The following KCNT2 variants were observed in gnomAD, a reference collection of about 807,000 sequenced individuals.
KCNT2 encodes potassium channel subfamily T member 2.
In KCNT2, 67 loss-of-function variants were observed where a neutral mutation model predicts 153.8. The ratio of observed to expected loss-of-function variants is 0.44; its 90% confidence interval spans 0.36 to 0.53. The LOEUF is 0.53. Among genes scored for constraint, KCNT2 ranks in the 20% least tolerant of loss-of-function variants. The pLI, the probability that KCNT2 is intolerant of heterozygous loss-of-function variation, is 0.00. For synonymous variants in KCNT2, 500 were observed against 458.8 expected, an observed-to-expected ratio of 1.09 and a Z score of -1.15; for missense variants, 975 against 1,354.8, an observed-to-expected ratio of 0.72 and a Z score of 4.40.
At chr1:196,285,915 G>T (rs756203475) in intron 22 of KCNT2, among the ~76,000 whole-genome samples, 157 bp from the exon 23 acceptor site, 1 of 152,016 alleles carries the variant, frequency 6.6e-6, no homozygotes, top group East Asian at 1.9e-4. Flanking sequence ...TTTTTAAACT[G>T]CCCTTTCGTT....
chr1:196,502,625 T>C (rs1680794677), intron 1 of KCNT2, among the ~76,000 whole-genome samples: 2 of 152,082 alleles, frequency 1.3e-5, no homozygotes, highest in South Asian at 4.1e-4. Context: ...CCCTTAGTAA[T>C]CACAACCTGC....
chr1:196,556,474 C>CT (rs1237321376), intron 1 of KCNT2, among the ~76,000 whole-genome samples: 2 of 151,302 alleles, frequency 1.3e-5, no homozygotes, highest in Non-Finnish European at 3.0e-5. Context: ...GTTAAAATGG[C>CT]TTTTTTCCAA....
chr1:196,466,320 G>C (rs1677611579), intron 7 of KCNT2, among the ~76,000 whole-genome samples: 1 of 151,888 alleles, frequency 6.6e-6, no homozygotes, highest in East Asian at 1.9e-4. Context: ...AATTAAGACA[G>C]CCCAATGTTT....
intron 1 of KCNT2, among the ~76,000 whole-genome samples, chr1:196,568,854 A>G (rs1365940540): frequency 1.3e-5 from 2 of 152,024 alleles, no homozygotes; most frequent in African/African-American, 4.8e-5. Flanking sequence ...CATGCCAGAA[A>G]GACACTATGC....
At chr1:196,370,754 C>T (rs1668456316) in intron 14 of KCNT2, among the ~76,000 whole-genome samples, 1 of 152,016 alleles carries the variant, frequency 6.6e-6, no homozygotes, top group African/African-American at 2.4e-5. Context: ...AACCTTTTCA[C>T]AAATGTTAAC....
chr1:196,235,729 T>C (rs1654373846), intron 27 of KCNT2, among the ~76,000 whole-genome samples: 1 of 150,458 alleles, frequency 6.6e-6, no homozygotes, highest in Non-Finnish European at 1.5e-5. Flanking sequence ...TCTTCACTTA[T>C]TTTTTCCAAA....
chr1:196,566,732 A>G (rs1660159153), intron 1 of KCNT2, among the ~76,000 whole-genome samples: 1 of 152,154 alleles, frequency 6.6e-6, no homozygotes, highest in African/African-American at 2.4e-5. Flanking sequence ...TTCAGAAATA[A>G]GAAGGAAATT....
At chr1:196,554,919 A>G (rs1320614519) in intron 1 of KCNT2, among the ~76,000 whole-genome samples, 1 of 151,282 alleles carries the variant, frequency 6.6e-6, no homozygotes, top group Non-Finnish European at 1.5e-5. Context: ...CTGAAGTAGC[A>G]CTGGATAAAG....
chr1:196,326,654 G>T, intron 19 of KCNT2, 63 bp downstream of exon 19: 2 of 892,338 alleles, frequency 2.2e-6, no homozygotes, highest in Non-Finnish European at 3.3e-6. Context: ...AATTATTTTT[G>T]ATATACATTA....
intron 20 of KCNT2, 34 bp from the exon 21 acceptor site, chr1:196,316,060 T>A: frequency 1.9e-6 from 3 of 1,592,332 alleles, no homozygotes; most frequent in South Asian, 2.2e-5. Flanking sequence ...AAACAAACAT[T>A]AAATAAATCA....
chr1:196,466,156 A>G (rs1677596771), intron 7 of KCNT2, among the ~76,000 whole-genome samples: 1 of 152,118 alleles, frequency 6.6e-6, no homozygotes, highest in African/African-American at 2.4e-5. Context: ...GTTACTGTCA[A>G]TATTTGTTTA....
chr1:196,506,979 A>T (rs1258231677), intron 1 of KCNT2, among the ~76,000 whole-genome samples: 1 of 152,076 alleles, frequency 6.6e-6, no homozygotes, highest in Non-Finnish European at 1.5e-5. Context: ...CTTAAGTTTT[A>T]TTTGGTCTCA....
intron 1 of KCNT2, among the ~76,000 whole-genome samples, chr1:196,502,224 G>A (rs965597893): frequency 6.6e-5 from 10 of 152,124 alleles, no homozygotes; most frequent in African/African-American, 2.2e-4. Context: ...TTTAAATGTT[G>A]TGCAATTTTT....
At chr1:196,295,517 G>A (rs1349796653) in intron 22 of KCNT2, among the ~76,000 whole-genome samples, 2 of 151,538 alleles carry the variant, frequency 1.3e-5, no homozygotes, top group Admixed American at 1.3e-4. Context: ...AAGAGATGGA[G>A]AATTCGAACC....
chr1:196,259,411 A>G (rs1338411722), intron 25 of KCNT2, among the ~76,000 whole-genome samples: 1 of 152,132 alleles, frequency 6.6e-6, no homozygotes, highest in Non-Finnish European at 1.5e-5. Flanking sequence ...TCAAAGAAGA[A>G]AGTCTTACTT....
At chr1:196,377,887 T>C (rs1005566082) in intron 13 of KCNT2, among the ~76,000 whole-genome samples, 8 of 152,124 alleles carry the variant, frequency 5.3e-5, no homozygotes, top group African/African-American at 1.9e-4. Flanking sequence ...AGTGCAGTGC[T>C]GCCTTCACAT....
At chr1:196,601,720 G>A (rs1315620476) in intron 1 of KCNT2, among the ~76,000 whole-genome samples, 1 of 152,102 alleles carries the variant, frequency 6.6e-6, no homozygotes, top group Non-Finnish European at 1.5e-5. Context: ...CTGTATGTTA[G>A]CCTACTTCCT....
At chr1:196,345,132 A>G (rs895980375) in intron 14 of KCNT2, among the ~76,000 whole-genome samples, 2 of 152,166 alleles carry the variant, frequency 1.3e-5, no homozygotes, top group Non-Finnish European at 2.9e-5. Context: ...TTAACAAAAA[A>G]GGTAAAAATA....
At chr1:196,508,631 G>A (rs986974160) in intron 1 of KCNT2, among the ~76,000 whole-genome samples, 3 of 152,086 alleles carry the variant, frequency 2.0e-5, no homozygotes, top group African/African-American at 4.8e-5. Context: ...TAACCAAAAG[G>A]TGCCAACTAG....
Sources: allele counts gnomAD v4.1 joint callset (sites outside exome capture counted in the v4.1 genomes callset), GRCh38; gene constraint gnomAD v4.1.1; transcripts MANE v1.5; gene names NCBI Gene and HGNC (gene_info 2026-07-23, HGNC 2026-07-21).